PRH1: variants seen among roughly 807,000 people sequenced by gnomAD.
PRH1 encodes salivary acidic proline-rich phosphoprotein 1/2.
Under a neutral mutation model 7.9 loss-of-function variants are expected in PRH1, and 7 were observed. That is an observed-to-expected ratio of 0.89 (90% CI 0.50 to 1.67). The LOEUF is 1.67. Among genes scored for constraint, PRH1 ranks in the 40% most tolerant of loss-of-function variants. PRH1 has a pLI of 0.00. For missense variants in PRH1, 109 were observed against 223.6 expected (o/e 0.49, Z 3.27); for synonymous variants, 45 against 80.8 (o/e 0.56, Z 2.38).
At chr12:11,143,796 T>C (rs1199654603) in intron 1 of PRH1, among the ~76,000 whole-genome samples, 1 of 152,196 alleles carries the variant, frequency 6.6e-6, no homozygotes, top group African/African-American at 2.4e-5. Flanking sequence ...TAAATATATA[T>C]GCACTCAACA....
intron 1 of PRH1, among the ~76,000 whole-genome samples, chr12:10,981,864 A>ACTT: frequency 7.1e-6 from 1 of 141,668 alleles, no homozygotes; most frequent in African/African-American, 2.6e-5. Context: ...CAAACAACTA[A>ACTT]TTTTTTTTTT....
intron 2 of PRH1, among the ~76,000 whole-genome samples, chr12:10,924,875 A>G (rs1026258460): frequency 6.6e-6 from 1 of 151,972 alleles, no homozygotes; most frequent in Non-Finnish European, 1.5e-5. Context: ...TGGGGGGTCT[A>G]TTTGATTTTT....
intron 1 of PRH1, among the ~76,000 whole-genome samples, chr12:11,072,996 A>G (rs1421150500): frequency 4.6e-5 from 7 of 151,554 alleles, no homozygotes; most frequent in Non-Finnish European, 1.0e-4. Flanking sequence ...TAAATATAGT[A>G]AAATACTTGA....
intron 1 of PRH1, among the ~76,000 whole-genome samples, chr12:10,991,863 G>A (rs1439716499): frequency 1.3e-4 from 20 of 152,158 alleles, no homozygotes; most frequent in South Asian, 2.1e-4. Context: ...GTTCAGTGCT[G>A]CTCATAGAGC....
chr12:11,135,845 A>G (rs1180824337), intron 1 of PRH1, among the ~76,000 whole-genome samples: 1 of 152,206 alleles, frequency 6.6e-6, no homozygotes, highest in Non-Finnish European at 1.5e-5. Context: ...ATAAGAATGT[A>G]TACCAATAGT....
chr12:10,976,524 G>A (rs1939105571), intron 1 of PRH1, among the ~76,000 whole-genome samples: 1 of 152,064 alleles, frequency 6.6e-6, no homozygotes, highest in Non-Finnish European at 1.5e-5. Context: ...AGACAACCAT[G>A]AGCAAACCAA....
chr12:10,961,326 C>G (rs1052770704), intron 2 of PRH1, among the ~76,000 whole-genome samples: 1 of 150,722 alleles, frequency 6.6e-6, no homozygotes, highest in Non-Finnish European at 1.5e-5. Context: ...AGGTGCCCAG[C>G]GAACAATGAT....
chr12:11,146,305 T>TTAA (rs1946858462), intron 1 of PRH1, among the ~76,000 whole-genome samples: 1 of 152,030 alleles, frequency 6.6e-6, no homozygotes, highest in South Asian at 2.1e-4. Context: ...TCCCAGGCCC[T>TTAA]TAGCATAATA....
chr12:10,882,439 G>A lies in PRH1; in HGVS notation c.360C>T (p.Gly120=). The change falls in exon 3 of 4, where the codon GGC becomes GGT. Residue 120 remains glycine, a synonymous_variant. Transcript: ENST00000543626. ...GCCTTCCTTGAGGAGGAGGGGGATG[G>A]CCTCCCTGTTGGGGTGGTCCTTGTG... ...GKPQGPPQQG[G]HPPPPQGRPQ... is the part of the protein sequence containing the mutation. The A allele has an allele frequency of 6.3e-7, 1 of 1,596,312 alleles. No individual in the cohort carries two copies. Among genetic ancestry groups the A allele is most frequent in the Non-Finnish European group, 8.5e-7 (1 of 1,172,086 alleles).
intron 1 of PRH1, among the ~76,000 whole-genome samples, chr12:11,167,921 G>A (rs1947628695): frequency 8.6e-6 from 1 of 116,580 alleles, no homozygotes; most frequent in South Asian, 2.3e-4. Context: ...TCTTCCACAT[G>A]CATGGTTTAA....
At chr12:11,101,253 T>G (rs2136282960) in intron 1 of PRH1, among the ~76,000 whole-genome samples, 1 of 152,292 alleles carries the variant, frequency 6.6e-6, no homozygotes, top group African/African-American at 2.4e-5. Flanking sequence ...TTTGGGAGGC[T>G]GAGGCAGGTG....
At chr12:10,992,754 T>C (rs1360659324) in intron 1 of PRH1, among the ~76,000 whole-genome samples, 5 of 152,148 alleles carry the variant, frequency 3.3e-5, no homozygotes, top group Non-Finnish European at 5.9e-5. Context: ...CATAAAGCTT[T>C]GGCTCATGTT....
intron 1 of PRH1, among the ~76,000 whole-genome samples, chr12:11,103,963 G>A (rs1182363257): frequency 6.6e-6 from 1 of 151,828 alleles, no homozygotes; most frequent in Non-Finnish European, 1.5e-5. Flanking sequence ...CCAGTTTCCT[G>A]GTTCTAATCA....
intron 1 of PRH1, among the ~76,000 whole-genome samples, chr12:11,058,303 C>A (rs1943447182): frequency 6.6e-6 from 1 of 152,036 alleles, no homozygotes; most frequent in African/African-American, 2.4e-5. Flanking sequence ...TTGTAAAATA[C>A]TATAACATTG....
intron 1 of PRH1, chr12:11,022,350 A>G (rs1565560956): frequency 6.2e-7 from 1 of 1,614,142 alleles, no homozygotes; most frequent in Admixed American, 1.7e-5. Flanking sequence ...AACCATATAA[A>G]GCAGAATTAA....
chr12:11,049,130 A>G, upstream of PRH1: 1 of 557,526 alleles, frequency 1.8e-6, no homozygotes, highest in Non-Finnish European at 2.9e-6. Context: ...TGGTCAGCTG[A>G]TGAGATCTTT....
intron 1 of PRH1, among the ~76,000 whole-genome samples, chr12:11,007,198 A>G (rs753334263): frequency 2.0e-5 from 3 of 152,090 alleles, no homozygotes; most frequent in Non-Finnish European, 4.4e-5. Flanking sequence ...AAATCATCCA[A>G]GGTTTTCTTG....
intron 1 of PRH1, among the ~76,000 whole-genome samples, chr12:10,992,345 A>G (rs1939973061): frequency 1.5e-5 from 2 of 133,112 alleles, no homozygotes; most frequent in African/African-American, 4.9e-5. Context: ...ATATTTGAGA[A>G]CTAAAAAAAG....
At chr12:10,955,674 C>A (rs868446002) in intron 2 of PRH1, among the ~76,000 whole-genome samples, 8 of 150,774 alleles carry the variant, frequency 5.3e-5, no homozygotes, top group East Asian at 1.9e-4. Flanking sequence ...TATGATAGAC[C>A]CCTAACCAGA....
Sources: gnomAD v4.1 joint callset for allele counts (sites outside exome capture counted in the v4.1 genomes callset) on GRCh38, gnomAD v4.1.1 for gene constraint, MANE v1.5 for transcripts, NCBI Gene and HGNC (gene_info 2026-07-23, HGNC 2026-07-21) for gene names.